Variants in NYX observed in about 807,000 individuals in gnomAD.
The protein encoded by NYX is nyctalopin, also known as leucine-rich repeat protein.
For missense variants in NYX, 481 were observed against 485.4 expected, an observed-to-expected ratio of 0.99 and a Z score of 0.09; for synonymous variants, 258 against 245.7, an observed-to-expected ratio of 1.05 and a Z score of -0.47.
intron 2 of NYX, among the ~76,000 whole-genome samples, chrX:41,450,843 T>A (rs868135478): frequency 0.048 from 4,257 of 88,536 alleles, 182 homozygotes; most frequent in African/African-American, 0.1. Flanking sequence ...TTTTTTTTTT[T>A]TTTTTTTTTT....
At chrX:41,461,185 T>C (rs1208705669) in intron 2 of NYX, among the ~76,000 whole-genome samples, 1 of 106,204 alleles carries the variant, frequency 9.4e-6, no homozygotes, top group Admixed American at 1.0e-4. Flanking sequence ...ACCCTTTCCC[T>C]CTGAGTCCCC....
At chrX:41,472,520 G>A (rs2064365709) in intron 2 of NYX, 1 of 614,167 alleles carries the variant, frequency 1.6e-6, no homozygotes, top group East Asian at 3.3e-5. Flanking sequence ...TTGAGCTATG[G>A]AACACTCCTG....
In NYX at chrX:41,474,056, G is replaced by A. The variant is rs1371637941; in HGVS notation, c.588G>A (p.Ser196=). The A allele has an allele frequency of 7.5e-6, 8 of 1,060,955 alleles. No individual in the cohort carries two copies. The highest frequency in any genetic ancestry group is 8.4e-6 in the Non-Finnish European group (7 of 830,169). 87.4% of individuals were successfully genotyped at this position (1,060,955 alleles called of 1,213,427 possible). The part of the protein sequence containing the change: ...RGRIEAVASS[S]LQGLRRLRSL... ...GCATCGAGGCGGTGGCCTCCAGCTC[G>A]CTGCAGGGCCTGCGCCGCCTGCGCT... Residue 196 remains serine (S), a synonymous_variant, in exon 3 of 3, where the codon TCG becomes TCA. Coordinates refer to ENST00000378220, the MANE Select transcript of NYX (RefSeq NM_001378477.3).
chrX:41,473,347 G>A, intron 2 of NYX, 144 bp from the exon 3 acceptor site: 2 of 695,390 alleles, frequency 2.9e-6, no homozygotes, highest in Non-Finnish European at 3.6e-6. Flanking sequence ...GAGGCCATGT[G>A]CCTGACACAA....
At chrX:41,459,751 C>T (rs2064311442) in intron 2 of NYX, among the ~76,000 whole-genome samples, 1 of 111,256 alleles carries the variant, frequency 9.0e-6, no homozygotes, top group Non-Finnish European at 1.9e-5. Flanking sequence ...GAGTAGTATT[C>T]TACTGTACAA....
chrX:41,447,358 A>G lies in NYX; in HGVS notation c.-215A>G, dbSNP rs192001835. On this transcript the variant is annotated 5_prime_UTR_variant, in exon 1 of 3. Coordinates refer to ENST00000378220, the MANE Select transcript of NYX (RefSeq NM_001378477.3). ...ATAAGCACTCAAACCTGCACAAGTAACTATTCCTCTTCACCCCTTCCTCCC... is the reference window on the plus strand; with the variant it reads ...ATAAGCACTCAAACCTGCACAAGTAGCTATTCCTCTTCACCCCTTCCTCCC... 7.9e-6 allele frequency: 1 copy of G among 127,236 alleles called. No individual in the cohort carries two copies. Among genetic ancestry groups the G allele is most frequent in the East Asian group, 2.1e-4 (1 of 4,801 alleles). 10.5% of individuals were successfully genotyped at this position (127,236 alleles called of 1,213,427 possible).
chrX:41,474,217 G>A lies in NYX; in HGVS notation c.749G>A (p.Arg250His), dbSNP rs541336990. Reference sequence around the variant, plus strand: ...GCCGACGCCTTCCGCGGCCTGCGGCGCCTGCGCACGCTCAACCTGGGTGGC... The same window carrying A: ...GCCGACGCCTTCCGCGGCCTGCGGCACCTGCGCACGCTCAACCTGGGTGGC... ...LPADAFRGLR[R>H]LRTLNLGGNA... Residue 250 changes from arginine (R) to histidine (H), a missense_variant, in exon 3 of 3, where the codon CGC (arginine) becomes CAC (histidine). Arg to His is a conservative substitution (Grantham distance 29). Transcript: ENST00000378220. 3 of 1,189,995 alleles carry A rather than the reference G, an allele frequency of 2.5e-6. No homozygotes were observed. Among genetic ancestry groups the A allele is most frequent in the East Asian group, 3.0e-5 (1 of 33,242 alleles).
chrX:41,448,243 T>C lies in NYX; in HGVS notation c.22+317T>C, dbSNP rs538938241. On this transcript the variant is annotated intron_variant, in intron 2 of 2. Coordinates refer to ENST00000378220, the MANE Select transcript of NYX (RefSeq NM_001378477.3). ...AAGCTACAGTGCTACAGTGTTTTTTTGTTTTGTTTTGTTTTTGGAGATGGA... is the reference window on the plus strand; with the variant it reads ...AAGCTACAGTGCTACAGTGTTTTTTCGTTTTGTTTTGTTTTTGGAGATGGA... Among the ~76,000 whole-genome samples, 3 of 111,692 alleles carry C rather than the reference T, an allele frequency of 2.7e-5. No individual in the cohort carries two copies. In the South Asian group the frequency reaches 1.1e-3, roughly 42 times the overall value.
At position 41,474,328 on chromosome X, in the gene NYX, T is replaced by C; in HGVS notation, c.860T>C (p.Phe287Ser). 8.3e-7 allele frequency: 1 copy of C among 1,208,647 alleles called. No homozygotes were observed. The highest frequency in any genetic ancestry group is 1.1e-6 in the Non-Finnish European group (1 of 895,410). Reference protein sequence around the residue: ...LLYLDRNSIAFVEEGAFQNLS... With the variant: ...LLYLDRNSIASVEEGAFQNLS... ...TACCTGGACCGCAACAGCATCGCCT[T>C]CGTGGAGGAGGGCGCCTTCCAGAAC... The change falls in exon 3 of 3, where the codon TTC becomes TCC. Residue 287 changes from phenylalanine (F) to serine (S), a missense_variant. By Grantham distance (155) the Phe-to-Ser change is radical. Transcript: ENST00000378220.
At chrX:41,451,192 C>G (rs757945613) in intron 2 of NYX, among the ~76,000 whole-genome samples, 4 of 111,712 alleles carry the variant, frequency 3.6e-5, no homozygotes, top group Non-Finnish European at 7.5e-5. Flanking sequence ...TGTGGAGTAA[C>G]TGGAACTCCC....
chrX:41,464,329 G>A (rs918873643), intron 2 of NYX, among the ~76,000 whole-genome samples: 9 of 109,588 alleles, frequency 8.2e-5, no homozygotes, highest in Non-Finnish European at 1.7e-4. Flanking sequence ...TGTAGAGACA[G>A]GGTTTTGCCA....
chrX:41,466,561 A>ATTTT (rs60913904), intron 2 of NYX, among the ~76,000 whole-genome samples: 2 of 98,429 alleles, frequency 2.0e-5, no homozygotes, highest in East Asian at 6.6e-4. Context: ...CTTTAAAACA[A>ATTTT]TTTTTTTTTT....
intron 2 of NYX, among the ~76,000 whole-genome samples, chrX:41,448,215 C>G (rs2064265320): frequency 9.0e-6 from 1 of 111,458 alleles, no homozygotes; most frequent in African/African-American, 3.3e-5. Flanking sequence ...GTGTGATAAC[C>G]AAAAGCTACA....
chrX:41,466,727 T>A (rs1267757800), intron 2 of NYX, among the ~76,000 whole-genome samples: 3 of 89,278 alleles, frequency 3.4e-5, no homozygotes, highest in African/African-American at 1.3e-4. Context: ...GCCTGGCTAA[T>A]TTTTTTTTTT....
intron 2 of NYX, among the ~76,000 whole-genome samples, chrX:41,452,735 C>T (rs1265897181): frequency 2.7e-5 from 3 of 111,129 alleles, no homozygotes; most frequent in Admixed American, 9.7e-5. Context: ...AGCACACCAC[C>T]CCTCTGGAAA....
At chrX:41,448,204 G>A (rs1447850110) in intron 2 of NYX, among the ~76,000 whole-genome samples, 1 of 111,550 alleles carries the variant, frequency 9.0e-6, no homozygotes, top group African/African-American at 3.3e-5. Flanking sequence ...TGAATTCATT[G>A]GTGTGATAAC....
chrX:41,473,778 C>T lies in NYX; in HGVS notation c.310C>T (p.Leu104=). The T allele has an allele frequency of 8.8e-7, 1 of 1,141,261 alleles. No individual in the cohort carries two copies. Among genetic ancestry groups the T allele is most frequent in the Non-Finnish European group, 1.2e-6 (1 of 866,399 alleles). The allele number at this position is 1,141,261 out of a possible 1,213,427, so 94.1% of individuals were successfully genotyped here. A position where few individuals can be genotyped will look rare whatever the true frequency, so the allele number is the denominator to read the frequency against. ...CATCACGCCCGGCGCCTTCAAGGGC[C>T]TGCCGCGCCTGGCTGAGCTGCGCCT... ...SFITPGAFKG[L]PRLAELRLAH... The change falls in exon 3 of 3, where the codon CTG becomes TTG. Residue 104 remains leucine, a synonymous_variant. Transcript: ENST00000378220.
At chrX:41,461,417 C>A (rs1272047883) in intron 2 of NYX, among the ~76,000 whole-genome samples, 1 of 107,443 alleles carries the variant, frequency 9.3e-6, no homozygotes, top group East Asian at 2.9e-4. Context: ...ACCACAGTTT[C>A]TTTATCCACT....
intron 2 of NYX, 140 bp from the exon 3 acceptor site, chrX:41,473,351 G>T: frequency 1.4e-6 from 1 of 726,759 alleles, no homozygotes; most frequent in Non-Finnish European, 1.7e-6. Flanking sequence ...CCATGTGCCT[G>T]ACACAAGATA....
Sources: gnomAD v4.1 joint callset for allele counts (sites outside exome capture counted in the v4.1 genomes callset) on GRCh38, gnomAD v4.1.1 for gene constraint, MANE v1.5 for transcripts, NCBI Gene and HGNC (gene_info 2026-07-23, HGNC 2026-07-21) for gene names.